The following ESRRG variants were observed in gnomAD, a reference collection of about 807,000 sequenced individuals.
ESRRG encodes the protein estrogen-related receptor gamma.
Under a neutral mutation model 44.0 loss-of-function variants are expected in ESRRG, and 13 were observed. The observed-to-expected ratio is 0.30, with a 90% CI of 0.19 to 0.47. The LOEUF (loss-of-function observed/expected upper bound fraction) is 0.47, where lower values mean the gene tolerates loss of function less well. Among genes scored for constraint, ESRRG ranks in the 20% least tolerant of loss-of-function variants. The probability of loss-of-function intolerance (pLI) is 1.00; values close to 1 mark genes in which losing one functional copy is unlikely to be tolerated. For missense variants in ESRRG, 395 were observed against 580.6 expected, an observed-to-expected ratio of 0.68 and a Z score of 3.29; for synonymous variants, 215 against 214.6, an observed-to-expected ratio of 1.00 and a Z score of -0.02.
At chr1:216,579,959 A>T (rs1317539450) in intron 3 of ESRRG, among the ~76,000 whole-genome samples, 1 of 152,192 alleles carries the variant, frequency 6.6e-6, no homozygotes. Flanking sequence ...GCAAACGTCA[A>T]GGTATTTCAT....
At chr1:216,636,900 G>T (rs1276560077) in intron 3 of ESRRG, among the ~76,000 whole-genome samples, 3 of 152,132 alleles carry the variant, frequency 2.0e-5, no homozygotes, top group Non-Finnish European at 2.9e-5. Flanking sequence ...CATTTCTTAG[G>T]CACCCAGGGT....
At chr1:216,830,131 G>A (rs1031192091) in intron 2 of ESRRG, among the ~76,000 whole-genome samples, 3 of 152,110 alleles carry the variant, frequency 2.0e-5, no homozygotes, top group Admixed American at 1.3e-4. Context: ...GTGCCATTAG[G>A]GCCAGGCTCA....
intron 2 of ESRRG, among the ~76,000 whole-genome samples, chr1:216,733,248 AT>A (rs55691102): frequency 0.012 from 1,618 of 138,748 alleles, 7 homozygotes; most frequent in South Asian, 0.038. Flanking sequence ...GTATAAGGGC[AT>A]TTTTTTTTTT....
intron 2 of ESRRG, among the ~76,000 whole-genome samples, chr1:216,842,798 A>G (rs2095672910): frequency 6.6e-6 from 1 of 152,222 alleles, no homozygotes; most frequent in Admixed American, 6.5e-5. Flanking sequence ...TTATACCACA[A>G]ATCTTTGAAG....
Position 216,964,126 on chromosome 1 carries a change from G to A in ESRRG, c.-105-24453C>T, listed in dbSNP as rs940018917. Reference sequence around the variant, plus strand: ...AGGTGCACAGAATAGAGGATATGGAGTGAGATGAGGTGCAAGAGGTGGGTA... The same window carrying A: ...AGGTGCACAGAATAGAGGATATGGAATGAGATGAGGTGCAAGAGGTGGGTA... On this transcript the variant is annotated intron_variant, in intron 1 of 7. Transcript: ENST00000359162. Among the ~76,000 whole-genome samples the A allele has an allele frequency of 3.9e-5, 6 of 152,272 alleles. No individual in the cohort carries two copies. The East Asian group carries it at 1.2e-3, about 29-fold the overall frequency.
At chr1:216,913,421 G>A (rs1490997053) in intron 2 of ESRRG, among the ~76,000 whole-genome samples, 1 of 152,134 alleles carries the variant, frequency 6.6e-6, no homozygotes, top group East Asian at 1.9e-4. Context: ...CATGGATACT[G>A]AGGAATGAAT....
chr1:217,114,721 G>A (rs2092701261), intron 1 of ESRRG, among the ~76,000 whole-genome samples: 1 of 144,650 alleles, frequency 6.9e-6, no homozygotes, highest in South Asian at 2.2e-4. Flanking sequence ...TCAGGCTGGA[G>A]TGCTGGCTCA....
chr1:217,104,895 C>G (rs2092567270), intron 1 of ESRRG, among the ~76,000 whole-genome samples: 1 of 152,170 alleles, frequency 6.6e-6, no homozygotes, highest in African/African-American at 2.4e-5. Flanking sequence ...ATGCAGCTTC[C>G]ATTGTGAGTA....
chr1:216,569,915 A>G (rs979836921), intron 3 of ESRRG, among the ~76,000 whole-genome samples: 1 of 152,162 alleles, frequency 6.6e-6, no homozygotes, highest in Non-Finnish European at 1.5e-5. Context: ...AACCAATTGA[A>G]CCAGAGCTCC....
At chr1:216,833,923 C>T (rs181468431) in intron 2 of ESRRG, among the ~76,000 whole-genome samples, 2 of 152,238 alleles carry the variant, frequency 1.3e-5, no homozygotes, top group African/African-American at 2.4e-5. Flanking sequence ...TATGCAATGG[C>T]ATTTAGAGTG....
At chr1:216,870,089 T>C (rs904337870) in intron 2 of ESRRG, among the ~76,000 whole-genome samples, 1 of 152,066 alleles carries the variant, frequency 6.6e-6, no homozygotes, top group Non-Finnish European at 1.5e-5. Flanking sequence ...AAGCATTTAG[T>C]GTTTCACCAT....
chr1:216,774,530 A>G (rs1313811753), intron 2 of ESRRG, among the ~76,000 whole-genome samples: 1 of 152,124 alleles, frequency 6.6e-6, no homozygotes, highest in Non-Finnish European at 1.5e-5. Flanking sequence ...TCGACCCTCC[A>G]AAACTGTCTC....
intron 2 of ESRRG, among the ~76,000 whole-genome samples, chr1:216,675,846 T>C (rs538664767): frequency 1.3e-5 from 2 of 152,296 alleles, no homozygotes; most frequent in African/African-American, 4.8e-5. Context: ...AACTTTGCCT[T>C]TACATTAAGC....
intron 1 of ESRRG, among the ~76,000 whole-genome samples, chr1:217,072,894 T>A (rs2151459626): frequency 6.6e-6 from 1 of 152,222 alleles, no homozygotes; most frequent in East Asian, 1.9e-4. Flanking sequence ...AGCCTGCTAC[T>A]TGCTATGATT....
chr1:216,898,870 A>G (rs992665653), intron 2 of ESRRG, among the ~76,000 whole-genome samples: 2 of 152,088 alleles, frequency 1.3e-5, no homozygotes, highest in African/African-American at 4.8e-5. Context: ...ACTGGGATAC[A>G]TTTTCTTCTA....
At chr1:216,650,927 C>G (rs774884639) in intron 3 of ESRRG, 46 bp downstream of exon 3, 1 of 1,268,942 alleles carries the variant, frequency 7.9e-7, no homozygotes, top group Non-Finnish European at 1.2e-6. Flanking sequence ...GCCTCCCATC[C>G]CCACAGCAAA....
intron 3 of ESRRG, among the ~76,000 whole-genome samples, chr1:216,612,360 G>A (rs1362585283): frequency 6.6e-6 from 1 of 151,946 alleles, no homozygotes; most frequent in African/African-American, 2.4e-5. Context: ...GAGGAAGGAG[G>A]GAAGGAAGGA....
At chr1:217,002,730 A>T (rs2077205989) in intron 1 of ESRRG, among the ~76,000 whole-genome samples, 1 of 152,136 alleles carries the variant, frequency 6.6e-6, no homozygotes, top group African/African-American at 2.4e-5. Context: ...TTGTGCCATA[A>T]GGAGAGGGAC....
intron 1 of ESRRG, among the ~76,000 whole-genome samples, chr1:217,129,885 C>T (rs1056447108): frequency 2.0e-5 from 3 of 151,236 alleles, no homozygotes; most frequent in Non-Finnish European, 4.4e-5. Context: ...CAGATGGCGA[C>T]GAAGGTTGCA....
Sources: gnomAD v4.1 joint callset for allele counts (sites outside exome capture counted in the v4.1 genomes callset) on GRCh38, gnomAD v4.1.1 for gene constraint, MANE v1.5 for transcripts, NCBI Gene and HGNC (gene_info 2026-07-23, HGNC 2026-07-21) for gene names.